The following LZTFL1 variants were observed in gnomAD, a reference collection of about 807,000 sequenced individuals.
The protein encoded by LZTFL1 is leucine zipper transcription factor like 1.
A neutral mutation model predicts 45.9 loss-of-function variants in LZTFL1; 25 were observed. The ratio of observed to expected loss-of-function variants is 0.54; its 90% confidence interval spans 0.40 to 0.76. The LOEUF (loss-of-function observed/expected upper bound fraction) is 0.76. Among genes scored for constraint, LZTFL1 ranks in the 30% least tolerant of loss-of-function variants. The pLI is 0.00. For synonymous variants in LZTFL1, 93 were observed against 117.4 expected, an observed-to-expected ratio of 0.79 and a Z score of 1.35; for missense variants, 277 against 331.1, an observed-to-expected ratio of 0.84 and a Z score of 1.27.
chr3:45,824,521 G>T lies in LZTFL1; in HGVS notation c.*1793C>A, dbSNP rs932736959. The T allele has an allele frequency of 2.4e-4, 63 of 267,912 alleles. No homozygotes were observed. The highest frequency in any genetic ancestry group is 1.2e-3 in the African/African-American group (55 of 45,700). 16.6% of individuals were successfully genotyped at this position (267,912 alleles called of 1,614,324 possible). On this transcript the variant is annotated 3_prime_UTR_variant, in exon 10 of 10. Coordinates refer to ENST00000296135, the MANE Select transcript of LZTFL1 (RefSeq NM_020347.4). ...GTTTTAAGGTTTTAGAAATATTTTT[G>T]AATTTATTATTAAACAATAGGAACG... is the stretch of plus-strand genomic sequence containing the variant.
At chr3:45,906,158 G>T (rs900345857) in intron 2 of LZTFL1, among the ~76,000 whole-genome samples, 2 of 152,210 alleles carry the variant, frequency 1.3e-5, no homozygotes, top group African/African-American at 4.8e-5. Context: ...CACTGGGTAT[G>T]CAGGAGATCC....
chr3:45,856,694 A>T (rs984290491), intron 3 of LZTFL1, among the ~76,000 whole-genome samples: 1 of 151,394 alleles, frequency 6.6e-6, no homozygotes, highest in Non-Finnish European at 1.5e-5. Flanking sequence ...AAGAAAAAAA[A>T]CCTTAAAAAG....
intron 2 of LZTFL1, among the ~76,000 whole-genome samples, chr3:45,866,596 T>C (rs1701580888): frequency 6.6e-6 from 1 of 152,198 alleles, no homozygotes; most frequent in South Asian, 2.1e-4. Flanking sequence ...TTTCATAGTA[T>C]ATAATGAGGG....
chr3:45,894,967 G>A lies in LZTFL1; in HGVS notation c.-215+18153C>T, dbSNP rs201312364. On this transcript the variant is annotated intron_variant, in intron 2 of 4. Coordinates refer to the LZTFL1 transcript ENST00000472635. ...CACAGACTTCACAGTGAGTACAGCCGTGCTCCTCTGGCTCCTCAAAACACA... is the reference window on the plus strand; with the variant it reads ...CACAGACTTCACAGTGAGTACAGCCATGCTCCTCTGGCTCCTCAAAACACA... 52 of 1,613,368 alleles carry A rather than the reference G, an allele frequency of 3.2e-5. No homozygotes were observed. In the Admixed American group the frequency reaches 4.3e-4, roughly 13 times the overall value.
At chr3:45,896,503 G>T (rs1015262404) in intron 2 of LZTFL1, among the ~76,000 whole-genome samples, 4 of 152,210 alleles carry the variant, frequency 2.6e-5, no homozygotes, top group Non-Finnish European at 4.4e-5. Context: ...TTCCCTCAGC[G>T]TCACAGTAAA....
intron 2 of LZTFL1, among the ~76,000 whole-genome samples, chr3:45,870,356 T>C (rs966292241): frequency 1.3e-5 from 2 of 152,222 alleles, no homozygotes; most frequent in Non-Finnish European, 2.9e-5. Context: ...AAGTTATCAG[T>C]TAATCAGAAA....
At chr3:45,910,754 A>G (rs1486834631) in intron 2 of LZTFL1, among the ~76,000 whole-genome samples, 2 of 152,346 alleles carry the variant, frequency 1.3e-5, no homozygotes, top group African/African-American at 2.4e-5. Flanking sequence ...CCTTGCTTGT[A>G]TTCAATTCAG....
Position 45,835,720 on chromosome 3 carries a change from C to T in LZTFL1, c.193G>A (p.Val65Ile). 6.2e-7 allele frequency: 1 copy of T among 1,614,150 alleles called. No individual in the cohort carries two copies. Among genetic ancestry groups the T allele is most frequent in the Non-Finnish European group, 8.5e-7 (1 of 1,180,012 alleles). ...AGCTCAGATTCCACCTCACTATGAA[C>T]CACAGCTTGTAATCCATTGAGGACT... is the stretch of plus-strand genomic sequence containing the variant. ...SEVLNGLQAV[V>I]HSEVESELIN... Residue 65 changes from valine (V) to isoleucine (I), a missense_variant, in exon 3 of 10, where the codon GTT becomes ATT. Coordinates refer to ENST00000296135, the MANE Select transcript of LZTFL1 (RefSeq NM_020347.4).
At chr3:45,835,891 A>G in intron 2 of LZTFL1, 107 bp from the exon 3 acceptor site, 1 of 686,052 alleles carries the variant, frequency 1.5e-6, no homozygotes, top group South Asian at 2.4e-5. Flanking sequence ...AAATTCAAAG[A>G]TTACAGTGAA....
intron 3 of LZTFL1, among the ~76,000 whole-genome samples, chr3:45,857,854 T>C (rs1701417778): frequency 6.6e-6 from 1 of 152,204 alleles, no homozygotes; most frequent in Admixed American, 6.5e-5. Context: ...GGTACATGTG[T>C]TACAATTGAT....
At chr3:45,890,706 C>A (rs896759647) in intron 2 of LZTFL1, among the ~76,000 whole-genome samples, 5 of 152,006 alleles carry the variant, frequency 3.3e-5, no homozygotes, top group African/African-American at 1.2e-4. Flanking sequence ...AGGAAAGGGG[C>A]AGAATACAAC....
At chr3:45,881,557 G>T (rs1162896458) in intron 2 of LZTFL1, among the ~76,000 whole-genome samples, 1 of 151,940 alleles carries the variant, frequency 6.6e-6, no homozygotes, top group African/African-American at 2.4e-5. Context: ...GACCTTCAAG[G>T]GCTATTCATG....
chr3:45,866,274 G>A (rs1177753851), intron 2 of LZTFL1, among the ~76,000 whole-genome samples: 1 of 152,156 alleles, frequency 6.6e-6, no homozygotes, highest in Middle Eastern at 3.2e-3. Context: ...CTTTAAACAT[G>A]TAGTTTATAG....
At chr3:45,907,828 G>A (rs960607004) in intron 2 of LZTFL1, among the ~76,000 whole-genome samples, 17 of 152,316 alleles carry the variant, frequency 1.1e-4, no homozygotes, top group Admixed American at 2.0e-4. Context: ...CGGACTGTGC[G>A]TGTTCTTGCT....
intron 2 of LZTFL1, among the ~76,000 whole-genome samples, chr3:45,867,452 A>G (rs1203043011): frequency 6.6e-6 from 1 of 152,180 alleles, no homozygotes; most frequent in Non-Finnish European, 1.5e-5. Context: ...GCTAGTCTGA[A>G]CACATCCATC....
chr3:45,849,744 A>G (rs1365908089), intron 4 of LZTFL1, among the ~76,000 whole-genome samples: 2 of 152,232 alleles, frequency 1.3e-5, no homozygotes, highest in African/African-American at 4.8e-5. Flanking sequence ...TTGAACAGCT[A>G]ACATACACAG....
At chr3:45,878,036 G>A (rs112212287) in intron 2 of LZTFL1, among the ~76,000 whole-genome samples, 5,417 of 152,182 alleles carry the variant, frequency 0.036, 210 homozygotes, top group African/African-American at 0.098. Flanking sequence ...ATGAGCCACC[G>A]CGCCCAGCCC....
intron 8 of LZTFL1, 27 bp downstream of exon 8, chr3:45,828,412 C>T (rs1332851795): frequency 1.9e-6 from 3 of 1,605,230 alleles, no homozygotes; most frequent in Non-Finnish European, 2.6e-6. Context: ...CATTAACAGA[C>T]AAATCCCTTA....
At position 45,859,546 on chromosome 3, in the gene LZTFL1, AC is replaced by A. The variant is rs1468136615; in HGVS notation, c.-214-531del. ...GTGGCCTATGCTGGTATTTTCACCA[AC>A]AAAAAACACCAATGAAGTAGTTTTC... On this transcript the variant is annotated intron_variant, in intron 2 of 4. Transcript: ENST00000472635. Among the ~76,000 whole-genome samples the A allele has an allele frequency of 2.5e-4, 38 of 152,222 alleles. 4 individuals carry two copies. Among genetic ancestry groups the A allele is most frequent in the Admixed American group, 2.1e-3 (32 of 15,286 alleles).
Sources: allele counts gnomAD v4.1 joint callset (sites outside exome capture counted in the v4.1 genomes callset), GRCh38; gene constraint gnomAD v4.1.1; transcripts MANE v1.5; gene names NCBI Gene and HGNC (gene_info 2026-07-23, HGNC 2026-07-21).